The following MYT1 variants were observed in gnomAD, a reference collection of about 807,000 sequenced individuals.
The protein encoded by MYT1 is myelin transcription factor I.
A neutral mutation model predicts 123.0 loss-of-function variants in MYT1; 23 were observed. The ratio of observed to expected loss-of-function variants is 0.19; its 90% CI spans 0.13 to 0.26. MYT1 has a LOEUF of 0.26. Ranked by LOEUF, MYT1 falls within the 10% of genes least tolerant of loss-of-function variation. The pLI is 1.00. For synonymous variants in MYT1, 518 were observed against 575.3 expected, an observed-to-expected ratio of 0.90 and a Z score of 1.43; for missense variants, 1,125 against 1,472.5, an observed-to-expected ratio of 0.76 and a Z score of 3.86.
intron 16 of MYT1, among the ~76,000 whole-genome samples, chr20:64,225,900 C>A (rs1984157869): frequency 6.6e-6 from 1 of 152,182 alleles, no homozygotes; most frequent in South Asian, 2.1e-4. Context: ...GAGTTATACC[C>A]CCACCTGAGA....
intron 11 of MYT1, among the ~76,000 whole-genome samples, chr20:64,217,611 A>G (rs1568714927): frequency 2.0e-5 from 3 of 152,222 alleles, no homozygotes; most frequent in Non-Finnish European, 4.4e-5. Flanking sequence ...CATGGTTCAC[A>G]CTGGGAGACG....
Position 64,185,636 on chromosome 20 carries a change from C to T in MYT1, c.-98-4427C>T, listed in dbSNP as rs1054594906. On this transcript the variant is annotated intron_variant, in intron 1 of 22. Coordinates refer to ENST00000328439, the MANE Select transcript of MYT1 (RefSeq NM_004535.3). This position sits in a 1 kb window ranked among gnomAD's most constrained non-coding sequence, Gnocchi z 4.5. Reference sequence around the variant, plus strand: ...CCACAGGGACTCCCATCCGGAGGCCCAGGGGATGCACCATGGGGGCAGGTG... The same window carrying T: ...CCACAGGGACTCCCATCCGGAGGCCTAGGGGATGCACCATGGGGGCAGGTG... Among the ~76,000 whole-genome samples, 7 of 152,180 alleles carry T rather than the reference C, an allele frequency of 4.6e-5. No homozygotes were observed. Among genetic ancestry groups the T allele is most frequent in the African/African-American group, 1.4e-4 (6 of 41,438 alleles).
At chr20:64,233,675 C>T (rs1417898192) in intron 19 of MYT1, among the ~76,000 whole-genome samples, 1 of 151,224 alleles carries the variant, frequency 6.6e-6, no homozygotes, top group East Asian at 2.0e-4. Context: ...CAAATAAATA[C>T]GTAAATTACT....
chr20:64,183,874 G>A (rs986835001), intron 1 of MYT1, among the ~76,000 whole-genome samples: 1 of 152,178 alleles, frequency 6.6e-6, no homozygotes, highest in Admixed American at 6.5e-5. Context: ...AGGCTAGAGT[G>A]CAGTCGCATG....
At chr20:64,200,710 T>C (rs984479401) in intron 4 of MYT1, among the ~76,000 whole-genome samples, 2 of 152,170 alleles carry the variant, frequency 1.3e-5, no homozygotes, top group Non-Finnish European at 2.9e-5. Flanking sequence ...GGTGATGTTA[T>C]TATCCTGTTT....
In MYT1 at chr20:64,166,636, C is replaced by A. The variant is rs1348065501; in HGVS notation, c.-99+1897C>A. ...CCATTGCCCACAGATCTGGAGGTAG[C>A]CTCAGTTGTTCAGAGCTAATGCTCT... On this transcript the variant is annotated intron_variant, in intron 1 of 22. Coordinates refer to ENST00000328439, the MANE Select transcript of MYT1 (RefSeq NM_004535.3). This position sits in a 1 kb window ranked among gnomAD's most constrained non-coding sequence, Gnocchi z 4.9. Among the ~76,000 whole-genome samples the A allele has an allele frequency of 6.6e-6, 1 of 152,266 alleles. No homozygotes were observed. The highest frequency in any genetic ancestry group is 2.1e-4 in the South Asian group (1 of 4,828).
intron 13 of MYT1, among the ~76,000 whole-genome samples, chr20:64,220,866 T>C (rs1181079225): frequency 2.0e-5 from 2 of 99,206 alleles, no homozygotes; most frequent in African/African-American, 9.2e-5. Flanking sequence ...CTATGAAGGG[T>C]GGGGGCTGGA....
In MYT1 at chr20:64,208,625, C is replaced by T; in HGVS notation, c.1291+138C>T. 7.2e-7 allele frequency: 1 copy of T among 1,384,018 alleles called. No homozygotes were observed. The highest frequency in any genetic ancestry group is 2.5e-5 in the East Asian group (1 of 39,792). 85.7% of individuals were successfully genotyped at this position (1,384,018 alleles called of 1,614,324 possible). On this transcript the variant is annotated intron_variant, in intron 7 of 22. Transcript: ENST00000328439. The surrounding 1 kb of genome is among the most constrained non-coding windows in gnomAD (Gnocchi z 5.4). ...AGCAGACAAAAGGACAAATACATGA[C>T]ACAGACTGTGGTCAGATACTGAGCA...
chr20:64,188,210 G>A (rs190387894), intron 1 of MYT1, among the ~76,000 whole-genome samples: 3 of 152,338 alleles, frequency 2.0e-5, no homozygotes, highest in Admixed American at 2.0e-4. Context: ...GACTCTTGCA[G>A]TTCATGTCCA....
At chr20:64,224,038 G>T (rs959385564) in intron 16 of MYT1, among the ~76,000 whole-genome samples, 2 of 152,218 alleles carry the variant, frequency 1.3e-5, no homozygotes, top group Non-Finnish European at 1.5e-5. Flanking sequence ...GTTTCCAGGG[G>T]TCAGTGTCCT....
At position 64,179,819 on chromosome 20, in the gene MYT1, C is replaced by T. The variant is rs145150913; in HGVS notation, c.-98-10244C>T. Among the ~76,000 whole-genome samples the T allele has an allele frequency of 2.4e-3, 359 of 152,190 alleles. 2 individuals carry two copies. In the Middle Eastern group the frequency reaches 0.027, roughly 12 times the overall value. On this transcript the variant is annotated intron_variant, in intron 1 of 22. Coordinates refer to ENST00000328439, the MANE Select transcript of MYT1 (RefSeq NM_004535.3). Reference sequence around the variant, plus strand: ...CACACACATACTCACATGCTACACACAGTTACACAATGCTACACACACACA... The same window carrying T: ...CACACACATACTCACATGCTACACATAGTTACACAATGCTACACACACACA...
At chr20:64,230,426 T>A (rs1422518158) in intron 18 of MYT1, among the ~76,000 whole-genome samples, 1 of 152,186 alleles carries the variant, frequency 6.6e-6, no homozygotes, top group East Asian at 1.9e-4. Flanking sequence ...GGCAGGAGAA[T>A]CGCTTGAAGC....
chr20:64,221,865 A>G (rs1984015138), intron 13 of MYT1, 28 bp from the exon 14 acceptor site: 4 of 1,610,756 alleles, frequency 2.5e-6, no homozygotes, highest in Non-Finnish European at 3.4e-6. Context: ...CCAGCCGGTT[A>G]AAACATCTTC....
At position 64,202,062 on chromosome 20, in the gene MYT1, G is replaced by A. The variant is rs1983337949; in HGVS notation, c.86+2140G>A. On this transcript the variant is annotated intron_variant, in intron 4 of 22. Transcript: ENST00000328439. This position sits in a 1 kb window ranked among gnomAD's most constrained non-coding sequence, Gnocchi z 5.0. ...CGTGTCGGGAACCTCTGCGTGTCGG[G>A]AACCCCTGTGTGCAGGACTTTCTCT... Among the ~76,000 whole-genome samples the A allele has an allele frequency of 6.6e-6, 1 of 151,426 alleles. No homozygotes were observed.
Position 64,191,589 on chromosome 20 carries a change from C to T in MYT1, c.-1+1429C>T, listed in dbSNP as rs937096838. On this transcript the variant is annotated intron_variant, in intron 2 of 22. Coordinates refer to ENST00000328439, the MANE Select transcript of MYT1 (RefSeq NM_004535.3). This position sits in a 1 kb window ranked among gnomAD's most constrained non-coding sequence, Gnocchi z 4.1. ...GGCTATGCAGTTGTAGTGGGAACTT[C>T]ATTTGGGGGTGCTTGTGTTTTACTC... The T allele has an allele frequency of 3.9e-5, 6 of 152,210 alleles. No homozygotes were observed. The highest frequency in any genetic ancestry group is 2.6e-4 in the Admixed American group (4 of 15,286). 9.4% of individuals were successfully genotyped at this position (152,210 alleles called of 1,614,324 possible).
intron 10 of MYT1, among the ~76,000 whole-genome samples, chr20:64,214,039 G>A (rs1380291468): frequency 6.6e-6 from 1 of 152,200 alleles, no homozygotes; most frequent in East Asian, 1.9e-4. Context: ...ACCAGCCAAG[G>A]ACCACGGACG....
chr20:64,188,686 G>GGTGGGCCC (rs1274812118), intron 1 of MYT1, among the ~76,000 whole-genome samples: 3 of 152,334 alleles, frequency 2.0e-5, no homozygotes, highest in African/African-American at 7.2e-5. Context: ...CTGGTGGGCA[G>GGTGGGCCC]GTGGGCCCCA....
chr20:64,182,150 A>G (rs1222421450), intron 1 of MYT1, among the ~76,000 whole-genome samples: 1 of 152,266 alleles, frequency 6.6e-6, no homozygotes, highest in Non-Finnish European at 1.5e-5. Flanking sequence ...AGAAGCAGGA[A>G]AAAAGTTTTT....
intron 10 of MYT1, among the ~76,000 whole-genome samples, chr20:64,215,721 A>C (rs576501418): frequency 6.6e-6 from 1 of 151,696 alleles, no homozygotes; most frequent in South Asian, 2.1e-4. Flanking sequence ...AGTACCTAGG[A>C]ATACAGATGT....
Sources: gnomAD v4.1 joint callset for allele counts (sites outside exome capture counted in the v4.1 genomes callset) on GRCh38, gnomAD v4.1.1 for gene constraint, Gnocchi (gnomAD v3.1) non-coding constraint, MANE v1.5 for transcripts, NCBI Gene and HGNC (gene_info 2026-07-23, HGNC 2026-07-21) for gene names.